ADNP: variants seen among roughly 807,000 people sequenced by gnomAD.
The protein encoded by ADNP is activity-dependent neuroprotector homeobox protein.
Under a neutral mutation model 84.9 loss-of-function variants are expected in ADNP, and 4 were observed. That is an observed-to-expected ratio of 0.05 (90% CI 0.02 to 0.11). ADNP has a LOEUF of 0.11. Ranked by LOEUF, ADNP falls within the 10% of genes least tolerant of loss-of-function variation. ADNP has a pLI of 1.00. For synonymous variants in ADNP, 554 were observed against 468.1 expected (o/e 1.18, Z -2.37); for missense variants, 1,132 against 1,326.0 (o/e 0.85, Z 2.27).
chr20:50,922,872 G>A (rs1053114555), intron 2 of ADNP, among the ~76,000 whole-genome samples: 4 of 151,982 alleles, frequency 2.6e-5, no homozygotes, highest in Admixed American at 6.6e-5. Flanking sequence ...GTGAGCCACC[G>A]CGCCTGGCCC....
chr20:50,908,131 T>C (rs1231661068), intron 2 of ADNP, among the ~76,000 whole-genome samples: 1 of 149,708 alleles, frequency 6.7e-6, no homozygotes, highest in South Asian at 2.1e-4. Context: ...TCAAAAGCAT[T>C]TGCAAAGATT....
chr20:50,896,709 A>T (rs1981432746), intron 5 of ADNP, among the ~76,000 whole-genome samples: 1 of 152,242 alleles, frequency 6.6e-6, no homozygotes, highest in African/African-American at 2.4e-5. Context: ...CTTCAGGAAC[A>T]GTAACACACA....
chr20:50,928,478 C>T (rs1185512265), intron 2 of ADNP, among the ~76,000 whole-genome samples, 173 bp downstream of exon 2: 1 of 152,160 alleles, frequency 6.6e-6, no homozygotes, highest in Non-Finnish European at 1.5e-5. Flanking sequence ...TAAGTAATTT[C>T]TTATGTTAAT....
chr20:50,893,154 A>C lies in ADNP; in HGVS notation c.1560T>G (p.Thr520=), dbSNP rs1279959123. Residue 520 remains threonine (T), a synonymous_variant, in exon 6 of 6, where the codon ACT becomes ACG. Transcript: ENST00000621696. This position sits in a 1 kb window ranked among gnomAD's most constrained non-coding sequence, Gnocchi z 4.4. ...CGGCCATCTTTTCCACATCATTGAA[A>C]GTTGAACGGCAATATGGACAAGACA... The part of the protein sequence containing the change: ...HGLSCPYCRS[T]FNDVEKMAAH... The C allele has an allele frequency of 1.2e-6, 2 of 1,614,164 alleles. No individual in the cohort carries two copies. The highest frequency in any genetic ancestry group is 2.7e-5 in the African/African-American group (2 of 74,950).
At position 50,889,916 on chromosome 20, in the gene ADNP, AGTT is replaced by A; in HGVS notation, c.*1486_*1488del. ...ATAGAGGCAGAGCCGCCTGCACTAC[AGTT>A]GTTCCCATCGTAAGGTGAAAACGAA... On this transcript the variant is annotated 3_prime_UTR_variant, in exon 6 of 6. Transcript: ENST00000621696. 1 of 398,560 alleles carries A rather than the reference AGTT, an allele frequency of 2.5e-6. No homozygotes were observed. Among genetic ancestry groups the A allele is most frequent in the Non-Finnish European group, 4.4e-6 (1 of 226,062 alleles). 24.7% of individuals were successfully genotyped at this position (398,560 alleles called of 1,614,324 possible). A position where few individuals can be genotyped will look rare whatever the true frequency, so the allele number is the denominator to read the frequency against.
chr20:50,889,142 C>G lies in ADNP; in HGVS notation c.*2263G>C, dbSNP rs1980380732. The G allele has an allele frequency of 6.6e-6, 1 of 152,152 alleles. No homozygotes were observed. Among genetic ancestry groups the G allele is most frequent in the South Asian group, 2.1e-4 (1 of 4,818 alleles). 9.4% of individuals were successfully genotyped at this position (152,152 alleles called of 1,614,324 possible). A position where few individuals can be genotyped will look rare whatever the true frequency, so the allele number is the denominator to read the frequency against. On this transcript the variant is annotated 3_prime_UTR_variant, in exon 6 of 6. Coordinates refer to ENST00000621696, the MANE Select transcript of ADNP (RefSeq NM_001282531.3). Reference sequence around the variant, plus strand: ...TTCCAACTCTTAGGGTGGCTAAACCCTTTTCTGAATGCCAAAAGGCACACT... The same window carrying G: ...TTCCAACTCTTAGGGTGGCTAAACCGTTTTCTGAATGCCAAAAGGCACACT...
Position 50,891,325 on chromosome 20 carries a change from G to A in ADNP, c.*80C>T. 6.8e-7 allele frequency: 1 copy of A among 1,469,790 alleles called. No homozygotes were observed. The highest frequency in any genetic ancestry group is 8.9e-7 in the Non-Finnish European group (1 of 1,117,844). The allele number at this position is 1,469,790 out of a possible 1,614,324, so 91.0% of individuals were successfully genotyped here. ...AACCAGTACTCACAAGGCAGTACCA[G>A]TGAGAAGACAGCTTTGCAGTCACAC... On this transcript the variant is annotated 3_prime_UTR_variant, in exon 6 of 6. Transcript: ENST00000621696.
At chr20:50,928,548 G>A (rs1378900013) in intron 2 of ADNP, 103 bp downstream of exon 2, 1 of 152,200 alleles carries the variant, frequency 6.6e-6, no homozygotes, top group Non-Finnish European at 1.5e-5. Flanking sequence ...AATGTGGCTA[G>A]GCTGAAATTT....
chr20:50,929,829 T>C (rs1252204000), intron 1 of ADNP, among the ~76,000 whole-genome samples: 2 of 152,108 alleles, frequency 1.3e-5, no homozygotes, highest in Admixed American at 6.5e-5. Flanking sequence ...AGAAACAGTT[T>C]GGTTCTTTTT....
intron 2 of ADNP, among the ~76,000 whole-genome samples, chr20:50,915,243 G>A (rs1000806617): frequency 1.3e-5 from 2 of 152,022 alleles, no homozygotes; most frequent in Non-Finnish European, 2.9e-5. Context: ...ATCACTCATT[G>A]AGTCAAAAAC....
In ADNP at chr20:50,891,535, G is replaced by A. The variant is rs747824390; in HGVS notation, c.3179C>T (p.Pro1060Leu). ...TGTGCTATTCTGCCACTCAATCTGG[G>A]GGTTAGATAAGCGCTCATCATTCTC... ...ASENDERLSNPQIEWQNSTID... is the reference protein window; with the variant it reads ...ASENDERLSNLQIEWQNSTID... The change falls in exon 6 of 6, where the codon CCC becomes CTC. Residue 1060 changes from proline to leucine, a missense_variant. By Grantham distance (98) the Pro-to-Leu change is moderately conservative. Coordinates refer to ENST00000621696, the MANE Select transcript of ADNP (RefSeq NM_001282531.3). 4 of 1,612,016 alleles carry A rather than the reference G, an allele frequency of 2.5e-6. No homozygotes were observed. In the South Asian group the frequency reaches 4.4e-5, roughly 18 times the overall value.
chr20:50,905,251 T>C (rs545443319), intron 2 of ADNP: 1 of 152,252 alleles, frequency 6.6e-6, no homozygotes, highest in South Asian at 2.1e-4. Flanking sequence ...ATGGTAAAAA[T>C]TTATCAATTT....
chr20:50,895,502 C>T (rs953713002), intron 5 of ADNP, among the ~76,000 whole-genome samples: 2 of 152,184 alleles, frequency 1.3e-5, no homozygotes, highest in African/African-American at 4.8e-5. Flanking sequence ...TGGGACATTA[C>T]TGTACACTAC....
chr20:50,920,281 A>AG (rs1278778577), intron 2 of ADNP, among the ~76,000 whole-genome samples: 17 of 139,208 alleles, frequency 1.2e-4, no homozygotes, highest in East Asian at 2.0e-4. Context: ...AAAAAAAAAA[A>AG]AAAGAAAGAA....
In ADNP at chr20:50,904,806, G is replaced by A. The variant is rs897471598; in HGVS notation, c.-46C>T. 3 of 152,014 alleles carry A rather than the reference G, an allele frequency of 2.0e-5. No homozygotes were observed. The highest frequency in any genetic ancestry group is 6.6e-5 in the Admixed American group (1 of 15,252). The allele number at this position is 152,014 out of a possible 1,614,324, so 9.4% of individuals were successfully genotyped here. A position where few individuals can be genotyped will look rare whatever the true frequency, so the allele number is the denominator to read the frequency against. ...ACAGTTTTGAGTGCCAGGGTAAAGA[G>A]GTTTTTGTTGAATTGGAACTGTCCT... On this transcript the variant is annotated 5_prime_UTR_variant, in exon 3 of 6. Coordinates refer to ENST00000621696, the MANE Select transcript of ADNP (RefSeq NM_001282531.3).
At chr20:50,922,942 G>A (rs1171745768) in intron 2 of ADNP, among the ~76,000 whole-genome samples, 4 of 151,946 alleles carry the variant, frequency 2.6e-5, no homozygotes, top group African/African-American at 9.7e-5. Context: ...CGGGGTATAG[G>A]GCCAACACCC....
chr20:50,916,043 A>T (rs957316315), intron 2 of ADNP, among the ~76,000 whole-genome samples: 6 of 152,210 alleles, frequency 3.9e-5, no homozygotes, highest in African/African-American at 1.4e-4. Context: ...AACCAAATAC[A>T]AAACTGCCTC....
rs201922657 is a variant in ADNP at position 50,891,833 on chromosome 20, C to T, written c.2881G>A (p.Asp961Asn). 7.4e-6 allele frequency: 12 copies of T among 1,614,194 alleles called. No homozygotes were observed. The highest frequency in any genetic ancestry group is 3.3e-5 in the Admixed American group (2 of 60,026). The change falls in exon 6 of 6, where the codon GAT (aspartate) becomes AAT (asparagine). Residue 961 changes from aspartate to asparagine, a missense_variant. Around this residue, in one of 10 missense-constraint regions of ADNP, gnomAD observed 381 missense variants for 319.9 expected, o/e 1.19. Coordinates refer to ENST00000621696, the MANE Select transcript of ADNP (RefSeq NM_001282531.3). Reference protein sequence around the residue: ...NASDSEVDQDDVVEWKDGASP... With the variant: ...NASDSEVDQDNVVEWKDGASP... ...GCACCGTCTTTCCACTCAACAACATCGTCTTGGTCAACCTCACTATCAGAT... is the reference window on the plus strand; with the variant it reads ...GCACCGTCTTTCCACTCAACAACATTGTCTTGGTCAACCTCACTATCAGAT...
intron 5 of ADNP, among the ~76,000 whole-genome samples, chr20:50,897,561 C>T (rs891511332): frequency 6.6e-6 from 1 of 152,170 alleles, no homozygotes; most frequent in African/African-American, 2.4e-5. Flanking sequence ...TCATACACTC[C>T]TTGATGACAT....
Sources: allele counts gnomAD v4.1 joint callset (sites outside exome capture counted in the v4.1 genomes callset), GRCh38; gene constraint gnomAD v4.1.1; regional missense constraint gnomAD v4.1.1; non-coding constraint Gnocchi (gnomAD v3.1); transcripts MANE v1.5; gene names NCBI Gene and HGNC (gene_info 2026-07-23, HGNC 2026-07-21).